MARCO: variants seen among roughly 807,000 people sequenced by gnomAD.
MARCO encodes macrophage receptor with collagenous structure, also known as macrophage receptor MARCO.
Under a neutral mutation model 70.0 loss-of-function variants are expected in MARCO, and 72 were observed. That is an observed-to-expected ratio of 1.03 (90% CI 0.85 to 1.25). The LOEUF (loss-of-function observed/expected upper bound fraction) is 1.25. MARCO is among the 50% of genes most tolerant of loss of function. MARCO has a pLI of 0.00. For missense variants in MARCO, 696 were observed against 659.3 expected (o/e 1.06, Z -0.61); for synonymous variants, 273 against 243.1 (o/e 1.12, Z -1.14).
At chr2:118,983,935 T>C (rs896895029) in intron 12 of MARCO, among the ~76,000 whole-genome samples, 2 of 152,092 alleles carry the variant, frequency 1.3e-5, no homozygotes, top group Non-Finnish European at 2.9e-5. Context: ...AGTCTGAGGG[T>C]AGGGAATCCT....
At chr2:118,989,346 T>C (rs1680579477) in intron 12 of MARCO, among the ~76,000 whole-genome samples, 1 of 152,078 alleles carries the variant, frequency 6.6e-6, no homozygotes, top group Non-Finnish European at 1.5e-5. Context: ...CCAACCTCAG[T>C]TCTGTCCCTT....
At chr2:118,986,748 GAGAA>G (rs1369083951) in intron 12 of MARCO, among the ~76,000 whole-genome samples, 1 of 148,544 alleles carries the variant, frequency 6.7e-6, no homozygotes, top group Non-Finnish European at 1.5e-5. Context: ...GAGAAAGAAA[GAGAA>G]AGAAAGAAGA....
intron 1 of MARCO, among the ~76,000 whole-genome samples, chr2:118,946,605 C>T (rs1679605934): frequency 6.6e-6 from 1 of 151,486 alleles, no homozygotes; most frequent in Non-Finnish European, 1.5e-5. Flanking sequence ...AGTTTGGGGG[C>T]TATTACAAAT....
At chr2:118,946,645 T>C (rs1346374196) in intron 1 of MARCO, among the ~76,000 whole-genome samples, 1 of 152,186 alleles carries the variant, frequency 6.6e-6, no homozygotes, top group Non-Finnish European at 1.5e-5. Context: ...CTGTAAGTGT[T>C]TTGTGTGACT....
intron 6 of MARCO, among the ~76,000 whole-genome samples, chr2:118,974,984 G>C (rs571146779): frequency 6.6e-6 from 1 of 152,156 alleles, no homozygotes; most frequent in Non-Finnish European, 1.5e-5. Context: ...CAAAGAAACC[G>C]AGCCTCAGTT....
intron 1 of MARCO, among the ~76,000 whole-genome samples, chr2:118,943,530 G>A (rs971461944): frequency 6.6e-6 from 1 of 152,224 alleles, no homozygotes; most frequent in Admixed American, 6.5e-5. Flanking sequence ...ACAGGGGACA[G>A]GGTAAGCTGC....
Position 118,970,321 on chromosome 2 carries a change from AC to A in MARCO, c.408del (p.Phe137SerfsTer127), listed in dbSNP as rs1163394639. 6.2e-7 allele frequency: 1 copy of A among 1,613,092 alleles called. No individual in the cohort carries two copies. The highest frequency in any genetic ancestry group is 1.7e-5 in the Admixed American group (1 of 59,898). ...SHEHLLQRVDNFTQNPGMFRI... is the reference protein window; with the variant it reads ...SHEHLLQRVDXFTQNPGMFRI... ...GAGCACTTGCTGCAGCGGGTAGACA[AC>A]TTCACTCAGAACCCAGGTTTGGCCT... On this transcript the variant is annotated frameshift_variant, in exon 3 of 17. Transcript: ENST00000327097. LOFTEE classifies it high-confidence loss of function.
In MARCO at chr2:118,970,217, C is replaced by T. The variant is rs41279766; in HGVS notation, c.303C>T (p.His101=). 1.2e-6 allele frequency: 2 copies of T among 1,614,122 alleles called. No individual in the cohort carries two copies. Among genetic ancestry groups the T allele is most frequent in the African/African-American group, 2.7e-5 (2 of 75,044 alleles). The change falls in exon 3 of 17, where the codon CAC becomes CAT. Residue 101 remains histidine, a synonymous_variant. Coordinates refer to ENST00000327097, the MANE Select transcript of MARCO (RefSeq NM_006770.4). ...CCTTCTCCTTGCTGCAGTCAGCACA[C>T]CCTGGAGAACACCTGGCTCAGGGTG... The part of the protein sequence containing the change: ...SPSFSLLQSA[H]PGEHLAQGAS...
rs964581566 is a variant in MARCO at position 118,942,745 on chromosome 2, C to T, written c.97+348C>T. On this transcript the variant is annotated intron_variant, in intron 1 of 16. Coordinates refer to ENST00000327097, the MANE Select transcript of MARCO (RefSeq NM_006770.4). Reference sequence around the variant, plus strand: ...TGGGTGATACAATGAAAACGCAAAACAGGGGCACTGAAAGGGGACCACAAA... The same window carrying T: ...TGGGTGATACAATGAAAACGCAAAATAGGGGCACTGAAAGGGGACCACAAA... 1.1e-4 allele frequency among the ~76,000 whole-genome samples: 17 copies of T among 151,992 alleles called. 1 individual carries two copies. Among genetic ancestry groups the T allele is most frequent in the Admixed American group, 2.0e-4 (3 of 15,248 alleles).
intron 12 of MARCO, among the ~76,000 whole-genome samples, chr2:118,990,188 A>G (rs1680593860): frequency 6.6e-6 from 1 of 152,222 alleles, no homozygotes; most frequent in Admixed American, 6.5e-5. Flanking sequence ...CCTGGTGGCC[A>G]CTGAGCCCCT....
intron 1 of MARCO, among the ~76,000 whole-genome samples, chr2:118,960,122 A>G (rs1035663212): frequency 3.3e-5 from 5 of 151,112 alleles, no homozygotes; most frequent in African/African-American, 4.9e-5. Flanking sequence ...AAAATAAAAT[A>G]ATAATAATAA....
At chr2:118,958,588 A>G (rs184948590) in intron 1 of MARCO, among the ~76,000 whole-genome samples, 2 of 152,292 alleles carry the variant, frequency 1.3e-5, no homozygotes, top group East Asian at 3.9e-4. Context: ...TGCCAAAAGC[A>G]ATCTACAAAT....
chr2:118,986,586 G>GGAAGGAAGGA (rs1680489300), intron 12 of MARCO, among the ~76,000 whole-genome samples: 1 of 46,666 alleles, frequency 2.1e-5, no homozygotes, highest in Admixed American at 2.4e-4. Context: ...GGGAAGGAAA[G>GGAAGGAAGGA]AAGAAAGAAA....
intron 12 of MARCO, 73 bp from the exon 13 acceptor site, chr2:118,990,516 G>C: frequency 6.9e-7 from 1 of 1,449,616 alleles, no homozygotes; most frequent in Non-Finnish European, 9.7e-7. Flanking sequence ...GGTAGAGGTT[G>C]TCTAAGATTA....
chr2:118,950,623 C>T (rs1679704190), intron 1 of MARCO, among the ~76,000 whole-genome samples: 1 of 152,170 alleles, frequency 6.6e-6, no homozygotes, highest in African/African-American at 2.4e-5. Flanking sequence ...TACAACATTT[C>T]TTGCATAAAT....
At position 118,989,289 on chromosome 2, in the gene MARCO, C is replaced by A. The variant is rs1053573561; in HGVS notation, c.1064-1300C>A. On this transcript the variant is annotated intron_variant, in intron 12 of 16. Coordinates refer to ENST00000327097, the MANE Select transcript of MARCO (RefSeq NM_006770.4). ...CCCTGTGTAAGCTGGGGCCTGTCTG[C>A]CAGGGGCTGACCTCTAAGGCACCTC... Among the ~76,000 whole-genome samples, 10 of 152,260 alleles carry A rather than the reference C, an allele frequency of 6.6e-5. No individual in the cohort carries two copies. In the East Asian group the frequency reaches 1.7e-3, roughly 27 times the overall value.
chr2:118,958,161 C>A (rs1026284641), intron 1 of MARCO, among the ~76,000 whole-genome samples: 3 of 151,018 alleles, frequency 2.0e-5, no homozygotes, highest in East Asian at 1.9e-4. Context: ...AGCAATCAGA[C>A]AAGATTAAAA....
intron 1 of MARCO, among the ~76,000 whole-genome samples, chr2:118,962,001 T>C (rs1679957116): frequency 6.6e-6 from 1 of 152,220 alleles, no homozygotes; most frequent in Admixed American, 6.5e-5. Context: ...CTTGTTTTTG[T>C]CAGGTTTGTT....
intron 8 of MARCO, among the ~76,000 whole-genome samples, chr2:118,980,797 T>A: frequency 6.6e-6 from 1 of 152,108 alleles, no homozygotes; most frequent in Admixed American, 6.5e-5. Flanking sequence ...CACAGAGCCC[T>A]ACCCCAGTGA....
Sources: allele counts gnomAD v4.1 joint callset (sites outside exome capture counted in the v4.1 genomes callset), GRCh38; gene constraint gnomAD v4.1.1; transcripts MANE v1.5; gene names NCBI Gene and HGNC (gene_info 2026-07-23, HGNC 2026-07-21).